DSCAML1: variants seen among roughly 807,000 people sequenced by gnomAD.
DSCAML1 encodes cell adhesion molecule DSCAML1.
Under a neutral mutation model 200.5 loss-of-function variants are expected in DSCAML1, and 38 were observed. The observed-to-expected ratio is 0.19, with a 90% CI of 0.15 to 0.25. DSCAML1 has a LOEUF of 0.25. Ranked by LOEUF, DSCAML1 falls within the 10% of genes least tolerant of loss-of-function variation. DSCAML1 has a pLI of 1.00. For missense variants in DSCAML1, 2,223 were observed against 2,858.8 expected, an observed-to-expected ratio of 0.78 and a Z score of 5.07; for synonymous variants, 1,215 against 1,165.0, an observed-to-expected ratio of 1.04 and a Z score of -0.87.
At chr11:117,766,463 A>C (rs1040906969) in intron 3 of DSCAML1, among the ~76,000 whole-genome samples, 5 of 152,230 alleles carry the variant, frequency 3.3e-5, no homozygotes, top group Non-Finnish European at 7.3e-5. Flanking sequence ...ACTTCACTAA[A>C]CACACATTTT....
chr11:117,431,884 T>C (rs1012270786), intron 30 of DSCAML1, among the ~76,000 whole-genome samples, 156 bp from the exon 31 acceptor site: 1 of 152,086 alleles, frequency 6.6e-6, no homozygotes, highest in African/African-American at 2.4e-5. Flanking sequence ...ACCACATCGC[T>C]GTCCCCAGAG....
rs1184468563 is a variant in DSCAML1, at chr11:117,780,200, A to AAAG, written c.364+292_364+293insCTT. Among the ~76,000 whole-genome samples, 8 of 47,896 alleles carry AAAG rather than the reference A, an allele frequency of 1.7e-4. No individual in the cohort carries two copies. Among genetic ancestry groups the AAAG allele is most frequent in the Non-Finnish European group, 2.5e-4 (5 of 19,712 alleles). The allele number at this position is 47,896 out of a possible 152,430, so 31.4% of individuals were successfully genotyped here. On this transcript the variant is annotated intron_variant, in intron 2 of 32. Transcript: ENST00000651296. This position sits in a 1 kb window ranked among gnomAD's most constrained non-coding sequence, Gnocchi z 4.8. ...AAAAGAAAAAAAGAAAGAAAGAAAGAGAAAGAAAGAGAGAGAGAGAAAGAA... is the reference window on the plus strand; with the variant it reads ...AAAAGAAAAAAAGAAAGAAAGAAAGAAAGGAAAGAAAGAGAGAGAGAGAAAGAA...
At chr11:117,598,825 A>G (rs2051410394) in intron 3 of DSCAML1, among the ~76,000 whole-genome samples, 1 of 152,150 alleles carries the variant, frequency 6.6e-6, no homozygotes, top group South Asian at 2.1e-4. Context: ...TTTGGTTTAA[A>G]CTGATTAGGA....
At chr11:117,528,412 T>C (rs1185280318) in intron 4 of DSCAML1, among the ~76,000 whole-genome samples, 1 of 152,186 alleles carries the variant, frequency 6.6e-6, no homozygotes. Flanking sequence ...AGAAGTAAAA[T>C]GCTGCGGCGT....
Position 117,780,244 on chromosome 11 carries a change from G to GAAAGAAAAAGAAAGAAAGAAAGAAAGAA in DSCAML1, c.364+248_364+249insTTCTTTCTTTCTTTCTTTCTTTTTCTTT, listed in dbSNP as rs1555032704. 1.9e-4 allele frequency among the ~76,000 whole-genome samples: 13 copies of GAAAGAAAAAGAAAGAAAGAAAGAAAGAA among 69,604 alleles called. No homozygotes were observed. The highest frequency in any genetic ancestry group is 6.5e-4 in the African/African-American group (13 of 20,120). The allele number at this position is 69,604 out of a possible 152,430, so 45.7% of individuals were successfully genotyped here. On this transcript the variant is annotated intron_variant, in intron 2 of 32. Transcript: ENST00000651296. This position sits in a 1 kb window ranked among gnomAD's most constrained non-coding sequence, Gnocchi z 4.8. Reference sequence around the variant, plus strand: ...GAAAGAAAGAAAGGAAAGAAAGAAAGAAAGAAAGAAAGAAAGAAAGAAAGA... The same window carrying GAAAGAAAAAGAAAGAAAGAAAGAAAGAA: ...GAAAGAAAGAAAGGAAAGAAAGAAAGAAAGAAAAAGAAAGAAAGAAAGAAAGAAAAAGAAAGAAAGAAAGAAAGAAAGA...
At chr11:117,639,748 C>T (rs554416182) in intron 3 of DSCAML1, among the ~76,000 whole-genome samples, 10 of 152,192 alleles carry the variant, frequency 6.6e-5, no homozygotes, top group East Asian at 1.9e-4. Flanking sequence ...GCTGGGCCCA[C>T]GCTGCTGCCC....
chr11:117,816,578 G>C (rs2055809301), intron 1 of DSCAML1, among the ~76,000 whole-genome samples: 1 of 152,196 alleles, frequency 6.6e-6, no homozygotes, highest in Non-Finnish European at 1.5e-5. Context: ...CTGCCGAGCA[G>C]AGCGGAGGGA....
intron 3 of DSCAML1, among the ~76,000 whole-genome samples, chr11:117,758,852 A>G (rs900481793): frequency 3.3e-5 from 5 of 152,068 alleles, no homozygotes; most frequent in Admixed American, 6.5e-5. Context: ...AGCGTCCCCA[A>G]CTATGCGTTT....
At chr11:117,448,277 C>T (rs1216038161) in intron 20 of DSCAML1, among the ~76,000 whole-genome samples, 1 of 152,168 alleles carries the variant, frequency 6.6e-6, no homozygotes, top group Non-Finnish European at 1.5e-5. Flanking sequence ...CTACCCTCTC[C>T]CACCAATTAA....
chr11:117,543,310 C>A (rs1443907742), intron 3 of DSCAML1, among the ~76,000 whole-genome samples: 2 of 152,086 alleles, frequency 1.3e-5, no homozygotes, highest in Non-Finnish European at 2.9e-5. Flanking sequence ...ATGTTGTGTA[C>A]CTGCACTGGC....
Position 117,450,590 on chromosome 11 carries a change from T to C in DSCAML1, c.3667A>G (p.Lys1223Glu). 6.2e-7 allele frequency: 1 copy of C among 1,614,186 alleles called. No individual in the cohort carries two copies. The highest frequency in any genetic ancestry group is 8.5e-7 in the Non-Finnish European group (1 of 1,180,042). The change falls in exon 20 of 33, where the codon AAG (lysine) becomes GAG (glutamate). Residue 1223 changes from lysine to glutamate, a missense_variant. This residue lies in a region of DSCAML1 where 438 missense variants were observed against 629.7 expected (regional missense o/e 0.70). Coordinates refer to ENST00000651296, the MANE Select transcript of DSCAML1 (RefSeq NM_020693.4). ...GGGCTGGAACAGAAGATGGTGTACT[T>C]GCGGATCACCCCGTTGGGCTTGGTA... The part of the protein sequence containing the change: ...PPTKPNGVIR[K>E]YTIFCSSPGS...
chr11:117,444,020 G>A lies in DSCAML1; in HGVS notation c.3728C>T (p.Thr1243Met), dbSNP rs780348395. The A allele has an allele frequency of 2.5e-6, 4 of 1,612,834 alleles. No individual in the cohort carries two copies. The highest frequency in any genetic ancestry group is 2.2e-5 in the East Asian group (1 of 44,832). ...SGQPAPSEYE[T>M]SPEQLFYRIA... ...CCGGTAGAAGAGCTGCTCTGGACTC[G>A]TCTCGTACTCGCTGGGAGCCTGCGG... The change falls in exon 21 of 33, where the codon ACG becomes ATG. Residue 1243 changes from threonine to methionine, a missense_variant. Around this residue, in one of 7 missense-constraint regions of DSCAML1, gnomAD observed 614 missense variants for 739.1 expected, o/e 0.83. Transcript: ENST00000651296.
chr11:117,645,272 T>C (rs2052499511), intron 3 of DSCAML1, among the ~76,000 whole-genome samples: 1 of 152,160 alleles, frequency 6.6e-6, no homozygotes, highest in Admixed American at 6.5e-5. Context: ...AGGGGGTTTC[T>C]TGGGGTCTCC....
Position 117,429,553 on chromosome 11 carries a change from T to C in DSCAML1, c.5687-750A>G, listed in dbSNP as rs185845376. 5.6e-3 allele frequency among the ~76,000 whole-genome samples: 847 copies of C among 152,328 alleles called. 3 individuals carry two copies. Among genetic ancestry groups the C allele is most frequent in the Admixed American group, 8.9e-3 (137 of 15,310 alleles). On this transcript the variant is annotated intron_variant, in intron 32 of 32. Coordinates refer to ENST00000651296, the MANE Select transcript of DSCAML1 (RefSeq NM_020693.4). ...TGCCCAGCTAATTTCTGTATTTTTT[T>C]AGTAGAGATGGGGTTTTGCCATGTT...
chr11:117,659,566 G>A (rs993740260), intron 3 of DSCAML1, among the ~76,000 whole-genome samples: 1 of 152,188 alleles, frequency 6.6e-6, no homozygotes, highest in East Asian at 1.9e-4. Context: ...GAGGTCCAAA[G>A]GGCAAGAGTT....
chr11:117,739,232 C>G (rs1041227697), intron 3 of DSCAML1, among the ~76,000 whole-genome samples: 1 of 152,190 alleles, frequency 6.6e-6, no homozygotes, highest in African/African-American at 2.4e-5. Flanking sequence ...CTGACTCCCA[C>G]TGCACAGGCT....
At chr11:117,715,200 C>T (rs2053929110) in intron 3 of DSCAML1, among the ~76,000 whole-genome samples, 1 of 152,080 alleles carries the variant, frequency 6.6e-6, no homozygotes, top group Admixed American at 6.5e-5. Context: ...AGCAGAAGCA[C>T]TGCCTTCTCC....
chr11:117,518,811 C>T lies in DSCAML1; in HGVS notation c.1214-49G>A, dbSNP rs773141040. 20 of 1,556,948 alleles carry T rather than the reference C, an allele frequency of 1.3e-5. No individual in the cohort carries two copies. Among genetic ancestry groups the T allele is most frequent in the South Asian group, 1.2e-4 (10 of 82,954 alleles). On this transcript the variant is annotated intron_variant, in intron 6 of 32. Transcript: ENST00000651296. This position sits in a 1 kb window ranked among gnomAD's most constrained non-coding sequence, Gnocchi z 6.3. Reference sequence around the variant, plus strand: ...TCAGGGTCACCAAGCCATGGAGAGACGGTCCCCCCAGCCACCCCACCTCAG... The same window carrying T: ...TCAGGGTCACCAAGCCATGGAGAGATGGTCCCCCCAGCCACCCCACCTCAG...
chr11:117,640,720 A>G (rs12271043), intron 3 of DSCAML1, among the ~76,000 whole-genome samples: 5,973 of 152,144 alleles, frequency 0.039, 390 homozygotes, highest in African/African-American at 0.13. Context: ...CCCCATGTCA[A>G]TCCCAGCCCC....
Sources: allele counts gnomAD v4.1 joint callset (sites outside exome capture counted in the v4.1 genomes callset), GRCh38; gene constraint gnomAD v4.1.1; regional missense constraint gnomAD v4.1.1; non-coding constraint Gnocchi (gnomAD v3.1); transcripts MANE v1.5; gene names NCBI Gene and HGNC (gene_info 2026-07-23, HGNC 2026-07-21).